Variants in OSER1 observed in about 807,000 individuals in gnomAD.
OSER1 encodes oxidative stress responsive serine rich 1.
Under a neutral mutation model 26.3 loss-of-function variants are expected in OSER1, and 15 were observed. The ratio of observed to expected loss-of-function variants is 0.57; its 90% CI spans 0.38 to 0.88. The LOEUF (loss-of-function observed/expected upper bound fraction) is 0.88. Among genes scored for constraint, OSER1 ranks in the 40% least tolerant of loss-of-function variants. The pLI, the probability that OSER1 is intolerant of heterozygous loss-of-function variation, is 0.00. For synonymous variants in OSER1, 127 were observed against 128.2 expected, an observed-to-expected ratio of 0.99 and a Z score of 0.07; for missense variants, 313 against 353.9, an observed-to-expected ratio of 0.88 and a Z score of 0.93.
intron 3 of OSER1, among the ~76,000 whole-genome samples, chr20:44,201,630 G>A (rs1444482149): frequency 2.0e-5 from 3 of 152,138 alleles, no homozygotes; most frequent in Non-Finnish European, 4.4e-5. Flanking sequence ...ATTAAGTAAC[G>A]ACTAAAATAT....
intron 1 of OSER1, chr20:44,207,404 C>G (rs2073048829): frequency 1.3e-5 from 2 of 159,094 alleles, no homozygotes; most frequent in Admixed American, 6.1e-5. Flanking sequence ...GAGTATTTGT[C>G]TGGCCTAACC....
intron 2 of OSER1, among the ~76,000 whole-genome samples, chr20:44,204,963 G>C (rs1025234052): frequency 1.3e-5 from 2 of 151,918 alleles, no homozygotes; most frequent in Middle Eastern, 3.2e-3. Context: ...TCAGCCTACA[G>C]AGCAGCTGGG....
upstream of OSER1, chr20:44,211,098 C>A (rs990581405): frequency 6.6e-6 from 1 of 152,436 alleles, no homozygotes; most frequent in African/African-American, 2.4e-5. Context: ...AGGCGTCATT[C>A]TTCACAGTAG....
chr20:44,210,889 A>G (rs1019605672), upstream of OSER1: 2 of 150,558 alleles, frequency 1.3e-5, no homozygotes, highest in Non-Finnish European at 1.5e-5. Flanking sequence ...GTGACTCGGC[A>G]GCGCGGCAGC....
chr20:44,197,344 G>A lies in OSER1; in HGVS notation c.587C>T (p.Pro196Leu). 1 of 1,614,254 alleles carries A rather than the reference G, an allele frequency of 6.2e-7. No homozygotes were observed. Among genetic ancestry groups the A allele is most frequent in the Non-Finnish European group, 8.5e-7 (1 of 1,180,054 alleles). ...GCATTCCTTGCCTATGCATGTGCAT[G>A]GCTTGCCCTGGTTTAGCTTGGAAAC... The part of the protein sequence containing the change: ...QSVSKLNQGK[P>L]CTCIGKECQC... Residue 196 changes from proline (P) to leucine (L), a missense_variant, in exon 4 of 4, where the codon CCA becomes CTA. Around this residue, in one of 2 missense-constraint regions of OSER1, gnomAD observed 300 missense variants for 318.3 expected, o/e 0.94. Coordinates refer to ENST00000255174, the MANE Select transcript of OSER1 (RefSeq NM_016470.8).
At position 44,203,068 on chromosome 20, in the gene OSER1, T is replaced by A. The variant is rs369429802; in HGVS notation, c.84A>T (p.Val28=). 5.7e-6 allele frequency: 9 copies of A among 1,587,672 alleles called. No individual in the cohort carries two copies. The African/African-American group carries it at 1.2e-4, about 21-fold the overall frequency. ...TGCCTTCTCCAACAGACAGAGATGC[T>A]ACAGACCTGAAGACAAGAACAAAGT... ...KKLRVDASGS[V]ASLSVGEGTG... Residue 28 remains valine, a synonymous_variant, in exon 3 of 4, where the codon GTA becomes GTT. Transcript: ENST00000255174.
At chr20:44,210,323 C>A (rs1454151972) in intron 1 of OSER1, among the ~76,000 whole-genome samples, 2 of 152,014 alleles carry the variant, frequency 1.3e-5, no homozygotes, top group Non-Finnish European at 2.9e-5. Flanking sequence ...GGAGTGGGGC[C>A]GAAGAGGTAG....
Position 44,197,201 on chromosome 20 carries a change from T to C in OSER1, c.730A>G (p.Arg244Gly). The C allele has an allele frequency of 1.9e-6, 3 of 1,614,254 alleles. No individual in the cohort carries two copies. The highest frequency in any genetic ancestry group is 1.3e-5 in the African/African-American group (1 of 75,076). Residue 244 changes from arginine to glycine, a missense_variant, in exon 4 of 4, where the codon AGA (arginine) becomes GGA (glycine). Around this residue, in one of 2 missense-constraint regions of OSER1, gnomAD observed 300 missense variants for 318.3 expected, o/e 0.94. Transcript: ENST00000255174. ...GATCGGGGAGAGCCAGACAGAGTTC[T>C]GGCGTGCAGCGACTGAGAGTAGTCC... ...LEDYSQSLHA[R>G]TLSGSPRSCS...
At chr20:44,210,480 G>A (rs1395981250) in intron 1 of OSER1, among the ~76,000 whole-genome samples, 1 of 152,226 alleles carries the variant, frequency 6.6e-6, no homozygotes, top group East Asian at 1.9e-4. Context: ...ACGGGAAGGC[G>A]GGAAGGGGAG....
chr20:44,209,747 C>A (rs1476489063), intron 1 of OSER1, among the ~76,000 whole-genome samples: 1 of 152,180 alleles, frequency 6.6e-6, no homozygotes, highest in Non-Finnish European at 1.5e-5. Flanking sequence ...GGATGCGTCA[C>A]AATCTTATTT....
chr20:44,198,985 G>A (rs1002258730), intron 3 of OSER1, among the ~76,000 whole-genome samples: 1 of 152,170 alleles, frequency 6.6e-6, no homozygotes, highest in Admixed American at 6.5e-5. Context: ...CTACCCATTA[G>A]TCATTTAGTA....
At chr20:44,209,411 C>G (rs370186528) in intron 1 of OSER1, among the ~76,000 whole-genome samples, 1 of 152,194 alleles carries the variant, frequency 6.6e-6, no homozygotes, top group Non-Finnish European at 1.5e-5. Context: ...TTATAAAAGG[C>G]TCATTATGCT....
chr20:44,210,288 G>A (rs2073087468), intron 1 of OSER1, among the ~76,000 whole-genome samples: 2 of 152,198 alleles, frequency 1.3e-5, no homozygotes, highest in African/African-American at 4.8e-5. Context: ...GTCGGAGCGA[G>A]GCACAAGGGA....
chr20:44,197,466 T>C lies in OSER1; in HGVS notation c.465A>G (p.Pro155=). 1.2e-6 allele frequency: 2 copies of C among 1,614,206 alleles called. No homozygotes were observed. The highest frequency in any genetic ancestry group is 2.2e-5 in the East Asian group (1 of 44,878). ...AVVEPLRTSV[P]RLPSESKKED... The stretch of plus-strand genomic sequence containing the variant: ...CCTTCTTACTCTCTGATGGGAGCCT[T>C]GGAACAGAAGTTCTCAAAGGCTCAA... Residue 155 remains proline, a synonymous_variant, in exon 4 of 4, where the codon CCA becomes CCG. Transcript: ENST00000255174.
intron 3 of OSER1, among the ~76,000 whole-genome samples, chr20:44,202,450 G>A (rs1477687484): frequency 4.0e-5 from 6 of 151,590 alleles, no homozygotes; most frequent in Non-Finnish European, 5.9e-5. Context: ...TAAGACAAAA[G>A]CCATTATGAG....
In OSER1 at chr20:44,196,209, G is replaced by A. The variant is rs984398991; in HGVS notation, c.*843C>T. On this transcript the variant is annotated 3_prime_UTR_variant, in exon 4 of 4. Transcript: ENST00000255174. ...AGAATGTACAAAATTCTCTTTTAGG[G>A]TTGCTGGGGTGACAGGGCAGCTCAA... Among the ~76,000 whole-genome samples the A allele has an allele frequency of 6.7e-6, 1 of 149,748 alleles. No individual in the cohort carries two copies. Among genetic ancestry groups the A allele is most frequent in the Non-Finnish European group, 1.5e-5 (1 of 67,696 alleles).
chr20:44,200,594 A>G (rs1009966823), intron 3 of OSER1, among the ~76,000 whole-genome samples: 6 of 152,374 alleles, frequency 3.9e-5, no homozygotes, highest in African/African-American at 1.4e-4. Context: ...GTAAAAGTTA[A>G]GAGAGATGAC....
rs942924692 is a variant in OSER1 at position 44,197,642 on chromosome 20, T to C, written c.289A>G (p.Thr97Ala). 3 of 1,613,876 alleles carry C rather than the reference T, an allele frequency of 1.9e-6. No homozygotes were observed. The highest frequency in any genetic ancestry group is 1.6e-4 in the Middle Eastern group (1 of 6,084). ...TGACTGCTGGAAGAAGACGCTATTG[T>C]ACTGCAATGTATAAACTTTGGAGGA... ...LHPPKFIHCSTIASSSSSQLK... is the reference protein window; with the variant it reads ...LHPPKFIHCSAIASSSSSQLK... Residue 97 changes from threonine (T) to alanine (A), a missense_variant, in exon 4 of 4, where the codon ACA (threonine) becomes GCA (alanine). By Grantham distance (58) the Thr-to-Ala change is moderately conservative. Around this residue, in one of 2 missense-constraint regions of OSER1, gnomAD observed 300 missense variants for 318.3 expected, o/e 0.94. Coordinates refer to ENST00000255174, the MANE Select transcript of OSER1 (RefSeq NM_016470.8).
Position 44,197,145 on chromosome 20 carries a change from A to T in OSER1, c.786T>A (p.Asp262Glu), listed in dbSNP as rs759103287. The T allele has an allele frequency of 5.2e-5, 84 of 1,613,954 alleles. No homozygotes were observed. The Admixed American group carries it at 1.4e-3, about 26-fold the overall frequency. The change falls in exon 4 of 4, where the codon GAT (aspartate) becomes GAA (glutamate). Residue 262 changes from aspartate (D) to glutamate (E), a missense_variant. Around this residue, in one of 2 missense-constraint regions of OSER1, gnomAD observed 300 missense variants for 318.3 expected, o/e 0.94. Transcript: ENST00000255174. ...SCSEQARVFVDDVTIEDLSGY... is the reference protein window; with the variant it reads ...SCSEQARVFVEDVTIEDLSGY... Reference sequence around the variant, plus strand: ...CTGACAGGTCCTCAATGGTCACATCATCCACGAAGACTCGAGCTTGCTCAG... The same window carrying T: ...CTGACAGGTCCTCAATGGTCACATCTTCCACGAAGACTCGAGCTTGCTCAG...
Sources: gnomAD v4.1 joint callset for allele counts (sites outside exome capture counted in the v4.1 genomes callset) on GRCh38, gnomAD v4.1.1 for gene constraint, gnomAD v4.1.1 regional missense constraint, MANE v1.5 for transcripts, NCBI Gene and HGNC (gene_info 2026-07-23, HGNC 2026-07-21) for gene names.